Variants in UGT1A10 observed in about 807,000 individuals in gnomAD.
UGT1A10 encodes the protein UDP glucuronosyltransferase family 1 member A10.
UGT1A10 carries 49 observed loss-of-function variants against 45.8 expected under a neutral mutation model. The observed-to-expected ratio is 1.07, with a 90% CI of 0.85 to 1.36. UGT1A10 has a LOEUF of 1.36. Among genes scored for constraint, UGT1A10 ranks in the 40% most tolerant of loss-of-function variants. UGT1A10 has a pLI of 0.00. For synonymous variants in UGT1A10, 284 were observed against 249.7 expected (o/e 1.14, Z -1.29); for missense variants, 745 against 668.6 (o/e 1.11, Z -1.26).
chr2:233,691,645 G>T, intron 1 of UGT1A10: 7 of 985,472 alleles, frequency 7.1e-6, no homozygotes, highest in Non-Finnish European at 8.4e-6. Context: ...GGCAGGGCCA[G>T]TGTGACCCTC....
At chr2:233,755,040 C>T (rs756883955) in intron 1 of UGT1A10, 1 of 1,322,900 alleles carries the variant, frequency 7.6e-7, no homozygotes, top group South Asian at 1.1e-5. Flanking sequence ...GCCGCCTGCG[C>T]AGCCGCCCTC....
At position 233,729,612 on chromosome 2, in the gene UGT1A10, T is replaced by G. The variant is rs769549634; in HGVS notation, c.856-37422T>G. On this transcript the variant is annotated intron_variant, in intron 1 of 4. Coordinates refer to ENST00000344644, the MANE Select transcript of UGT1A10 (RefSeq NM_019075.4). ...TTAACCTCTGCGCGGCAGTGCTGGC[T>G]AAGTACCTGTCGATTCCTACTGTGT... is the stretch of plus-strand genomic sequence containing the variant. 6 of 1,614,046 alleles carry G rather than the reference T, an allele frequency of 3.7e-6. No individual in the cohort carries two copies. In the South Asian group the frequency reaches 6.6e-5, roughly 18 times the overall value.
intron 1 of UGT1A10, chr2:233,672,848 A>T: frequency 6.5e-7 from 1 of 1,549,388 alleles, no homozygotes; most frequent in African/African-American, 1.4e-5. Context: ...TTAAAAAAGG[A>T]TTCTTTACTG....
At chr2:233,707,847 T>A (rs2075990854) in intron 1 of UGT1A10, among the ~76,000 whole-genome samples, 1 of 152,212 alleles carries the variant, frequency 6.6e-6, no homozygotes, top group South Asian at 2.1e-4. Context: ...GTAACTATTT[T>A]TCAGAGTGGT....
chr2:233,636,464 C>T lies in UGT1A10; in HGVS notation c.-59C>T, dbSNP rs1057189408. ...TCAGGTTTTGTGCCTGTACTTCTTC[C>T]GCCTACTGTATCATAGCAGCTTAGA... On this transcript the variant is annotated 5_prime_UTR_variant, in exon 1 of 5. Transcript: ENST00000344644. The T allele has an allele frequency of 1.2e-4, 194 of 1,553,926 alleles. 1 individual carries two copies. The highest frequency in any genetic ancestry group is 3.5e-4 in the Middle Eastern group (2 of 5,736).
chr2:233,768,055 T>C, intron 3 of UGT1A10, 119 bp downstream of exon 3: 1 of 1,603,392 alleles, frequency 6.2e-7, no homozygotes, highest in Non-Finnish European at 8.5e-7. Context: ...ATATCCTACA[T>C]TGCTTTTTAT....
At chr2:233,652,075 G>A (rs2073757042) in intron 1 of UGT1A10, among the ~76,000 whole-genome samples, 1 of 152,198 alleles carries the variant, frequency 6.6e-6, no homozygotes, top group Non-Finnish European at 1.5e-5. Context: ...CAGTAGGAAG[G>A]AATTCAGGAT....
intron 1 of UGT1A10, among the ~76,000 whole-genome samples, chr2:233,708,286 T>A (rs2125610813): frequency 6.6e-6 from 1 of 152,362 alleles, no homozygotes; most frequent in South Asian, 2.1e-4. Flanking sequence ...TATCATCAAA[T>A]GCTTTCAGTT....
At position 233,690,504 on chromosome 2, in the gene UGT1A10, A is replaced by C. The variant is rs750850390; in HGVS notation, c.855+53127A>C. 7 of 1,289,246 alleles carry C rather than the reference A, an allele frequency of 5.4e-6. No homozygotes were observed. The South Asian group carries it at 7.4e-5, about 14-fold the overall frequency. The allele number at this position is 1,289,246 out of a possible 1,614,324, so 79.9% of individuals were successfully genotyped here. ...GGGAAATCTGCTCTTGCCAACAGAG[A>C]TTTGTTTTATCTTAGGATCTACTTC... On this transcript the variant is annotated intron_variant, in intron 1 of 4. Coordinates refer to ENST00000344644, the MANE Select transcript of UGT1A10 (RefSeq NM_019075.4).
At chr2:233,766,327 G>T (rs373926451) in intron 1 of UGT1A10, among the ~76,000 whole-genome samples, 1 of 152,130 alleles carries the variant, frequency 6.6e-6, no homozygotes, top group Admixed American at 6.5e-5. Flanking sequence ...CAAACTCCGC[G>T]TTGTTCTGCT....
chr2:233,760,168 C>A, intron 1 of UGT1A10: 1 of 1,526,138 alleles, frequency 6.6e-7, no homozygotes, highest in Non-Finnish European at 8.8e-7. Flanking sequence ...CCTTTGTGGA[C>A]TGACAGCTTT....
At chr2:233,702,484 C>A (rs78147153) in intron 1 of UGT1A10, among the ~76,000 whole-genome samples, 2,743 of 152,176 alleles carry the variant, frequency 0.018, 79 homozygotes, top group African/African-American at 0.062. Context: ...CTGGCTTGAA[C>A]CTCTAGTACC....
chr2:233,763,526 C>T (rs17864704), intron 1 of UGT1A10, among the ~76,000 whole-genome samples: 1 of 152,330 alleles, frequency 6.6e-6, no homozygotes, highest in Non-Finnish European at 1.5e-5. Flanking sequence ...TTGCCATTCT[C>T]CTTTTTCCGG....
At chr2:233,699,325 A>G (rs1484519888) in intron 1 of UGT1A10, among the ~76,000 whole-genome samples, 1 of 152,046 alleles carries the variant, frequency 6.6e-6, no homozygotes, top group Non-Finnish European at 1.5e-5. Context: ...TATTTTGTTG[A>G]GTTTCATCCA....
At chr2:233,754,857 G>A (rs184077420) in intron 1 of UGT1A10, 3 of 1,349,946 alleles carry the variant, frequency 2.2e-6, no homozygotes, top group East Asian at 9.1e-5. Flanking sequence ...GAAAAGGGGT[G>A]CAGACCCTCT....
At chr2:233,665,118 C>G (rs2074045964) in intron 1 of UGT1A10, among the ~76,000 whole-genome samples, 1 of 152,074 alleles carries the variant, frequency 6.6e-6, no homozygotes, top group Non-Finnish European at 1.5e-5. Context: ...AATGTAGTAC[C>G]AGGCTGGACA....
At position 233,744,394 on chromosome 2, in the gene UGT1A10, G is replaced by A. The variant is rs528448877; in HGVS notation, c.856-22640G>A. On this transcript the variant is annotated intron_variant, in intron 1 of 4. Coordinates refer to ENST00000344644, the MANE Select transcript of UGT1A10 (RefSeq NM_019075.4). ...TGCAGTTCTCCAACGTTCCAGCCCC[G>A]GTGCCCATTTGCTTTTGTTCATGTG... is the stretch of plus-strand genomic sequence containing the variant. 5.9e-5 allele frequency among the ~76,000 whole-genome samples: 9 copies of A among 151,928 alleles called. No homozygotes were observed. The South Asian group carries it at 6.2e-4, about 11-fold the overall frequency.
intron 1 of UGT1A10, among the ~76,000 whole-genome samples, chr2:233,653,782 A>G (rs1189004453): frequency 1.3e-5 from 2 of 152,184 alleles, no homozygotes; most frequent in Admixed American, 6.5e-5. Context: ...TTTTTAGTAG[A>G]CATGGGGTTT....
chr2:233,662,002 G>A (rs920750361), intron 1 of UGT1A10, among the ~76,000 whole-genome samples: 4 of 152,146 alleles, frequency 2.6e-5, no homozygotes, highest in African/African-American at 9.7e-5. Context: ...GGCGTACTGA[G>A]TGGATACTTG....
Sources: gnomAD v4.1 joint callset for allele counts (sites outside exome capture counted in the v4.1 genomes callset) on GRCh38, gnomAD v4.1.1 for gene constraint, MANE v1.5 for transcripts, NCBI Gene and HGNC (gene_info 2026-07-23, HGNC 2026-07-21) for gene names.